The following RPTOR variants were observed in gnomAD, a reference collection of about 807,000 sequenced individuals.
The protein encoded by RPTOR is regulatory-associated protein of mTOR.
In RPTOR, 21 loss-of-function variants were observed where a neutral mutation model predicts 169.9. That is an observed-to-expected ratio of 0.12 (90% CI 0.09 to 0.18). The LOEUF (loss-of-function observed/expected upper bound fraction) is 0.18, where lower values mean the gene tolerates loss of function less well. Among genes scored for constraint, RPTOR ranks in the 10% least tolerant of loss-of-function variants. The probability of loss-of-function intolerance (pLI) is 1.00; values close to 1 mark genes in which losing one functional copy is unlikely to be tolerated. For missense variants in RPTOR, 1,133 were observed against 1,855.9 expected, an observed-to-expected ratio of 0.61 and a Z score of 7.16; for synonymous variants, 732 against 753.2, an observed-to-expected ratio of 0.97 and a Z score of 0.46.
At chr17:80,619,922 T>C (rs967088599) in intron 1 of RPTOR, among the ~76,000 whole-genome samples, 2 of 152,172 alleles carry the variant, frequency 1.3e-5, no homozygotes, top group African/African-American at 4.8e-5. Flanking sequence ...CCCCAGCCTC[T>C]CCCACCTGGA....
chr17:80,662,566 G>A (rs930743358), intron 3 of RPTOR, among the ~76,000 whole-genome samples: 3 of 152,088 alleles, frequency 2.0e-5, no homozygotes, highest in Admixed American at 6.6e-5. Context: ...GGGTCCAGGT[G>A]GGGTCAGTTG....
chr17:80,935,160 T>C (rs1051397785), intron 24 of RPTOR, among the ~76,000 whole-genome samples: 3 of 152,148 alleles, frequency 2.0e-5, no homozygotes, highest in Non-Finnish European at 2.9e-5. Flanking sequence ...TTTCAAAATA[T>C]GTGAAAGATA....
intron 13 of RPTOR, among the ~76,000 whole-genome samples, chr17:80,874,087 G>T (rs2068079921): frequency 6.6e-6 from 1 of 152,154 alleles, no homozygotes; most frequent in African/African-American, 2.4e-5. Flanking sequence ...TTTTAGGACA[G>T]GTTTGAAAAA....
intron 3 of RPTOR, among the ~76,000 whole-genome samples, chr17:80,686,561 T>G (rs1467180542): frequency 6.6e-6 from 1 of 152,130 alleles, no homozygotes; most frequent in Non-Finnish European, 1.5e-5. Context: ...AGTATTTGCC[T>G]TTCGGGACTC....
intron 1 of RPTOR, among the ~76,000 whole-genome samples, chr17:80,598,817 A>C (rs2065163369): frequency 6.6e-6 from 1 of 152,132 alleles, no homozygotes; most frequent in Non-Finnish European, 1.5e-5. Context: ...AACAGCTTAT[A>C]CATTAACTGT....
intron 3 of RPTOR, among the ~76,000 whole-genome samples, chr17:80,673,192 A>G (rs1463049192): frequency 2.6e-5 from 4 of 152,200 alleles, no homozygotes; most frequent in African/African-American, 9.6e-5. Context: ...TGCTGGGATT[A>G]TAGGTGTGAG....
At chr17:80,656,656 G>A (rs1238105212) in intron 3 of RPTOR, among the ~76,000 whole-genome samples, 5 of 152,236 alleles carry the variant, frequency 3.3e-5, no homozygotes, top group Non-Finnish European at 7.3e-5. Context: ...GGCAGACGGA[G>A]CCACTTGGGA....
intron 7 of RPTOR, among the ~76,000 whole-genome samples, chr17:80,796,332 G>A (rs1447265379): frequency 6.6e-6 from 1 of 152,242 alleles, no homozygotes; most frequent in Non-Finnish European, 1.5e-5. Context: ...GAGACACTCA[G>A]TATTAACCAT....
chr17:80,757,556 A>C (rs937345529), intron 6 of RPTOR, among the ~76,000 whole-genome samples: 5 of 152,198 alleles, frequency 3.3e-5, no homozygotes, highest in African/African-American at 1.2e-4. Flanking sequence ...AACAGAATAC[A>C]ACAGACTGGG....
At position 80,651,797 on chromosome 17, in the gene RPTOR, C is replaced by T. The variant is rs1224099297; in HGVS notation, c.348+7987C>T. On this transcript the variant is annotated intron_variant, in intron 3 of 33. Transcript: ENST00000306801. The surrounding 1 kb of genome is among the most constrained non-coding windows in gnomAD (Gnocchi z 4.1). ...CTTTGGGAGGCCGAGGCGGGTGGAT[C>T]GTGAGGTCAGGAGATCGAGACCATG... 6.6e-6 allele frequency among the ~76,000 whole-genome samples: 1 copy of T among 151,892 alleles called. No individual in the cohort carries two copies. The highest frequency in any genetic ancestry group is 1.5e-5 in the Non-Finnish European group (1 of 67,974).
chr17:80,632,880 C>G (rs2065452736), intron 2 of RPTOR, among the ~76,000 whole-genome samples: 1 of 152,158 alleles, frequency 6.6e-6, no homozygotes, highest in South Asian at 2.1e-4. Flanking sequence ...TCATAGCTCA[C>G]TGCAGCCTCA....
At chr17:80,587,268 G>A (rs1355096757) in intron 1 of RPTOR, among the ~76,000 whole-genome samples, 3 of 152,224 alleles carry the variant, frequency 2.0e-5, no homozygotes, top group South Asian at 4.1e-4. Context: ...GCTTTGCCTG[G>A]TGTGGAAACG....
intron 5 of RPTOR, among the ~76,000 whole-genome samples, chr17:80,750,897 T>C (rs537263830): frequency 7.9e-4 from 121 of 152,312 alleles, no homozygotes; most frequent in African/African-American, 2.4e-3. Flanking sequence ...GCAAATTTTA[T>C]GCTACAGGTA....
Position 80,730,744 on chromosome 17 carries a change from GGTTTT to G in RPTOR, c.654+44_654+48del. The G allele has an allele frequency of 9.4e-7, 1 of 1,061,702 alleles. No individual in the cohort carries two copies. Among genetic ancestry groups the G allele is most frequent in the Admixed American group, 1.9e-5 (1 of 51,746 alleles). The allele number at this position is 1,061,702 out of a possible 1,614,324, so 65.8% of individuals were successfully genotyped here. On this transcript the variant is annotated intron_variant, in intron 5 of 33. Coordinates refer to ENST00000306801, the MANE Select transcript of RPTOR (RefSeq NM_020761.3). This position sits in a 1 kb window ranked among gnomAD's most constrained non-coding sequence, Gnocchi z 4.2. ...GTGCTTGGAGAGCGGTGCTGGGTTT[GGTTTT>G]GTTTTCCCTGGGGGTGGGGTTTGGG...
chr17:80,568,056 G>A (rs569947400), intron 1 of RPTOR, among the ~76,000 whole-genome samples: 34 of 151,876 alleles, frequency 2.2e-4, no homozygotes, highest in Admixed American at 2.0e-3. Flanking sequence ...ACAGGCATGC[G>A]CTACTATGCC....
intron 3 of RPTOR, among the ~76,000 whole-genome samples, chr17:80,680,940 C>T (rs1325192391): frequency 6.6e-6 from 1 of 152,094 alleles, no homozygotes; most frequent in African/African-American, 2.4e-5. Flanking sequence ...GTTCAGCTGG[C>T]ATTTGGTTTT....
chr17:80,921,002 G>A (rs1302004041), intron 21 of RPTOR, among the ~76,000 whole-genome samples: 3 of 152,172 alleles, frequency 2.0e-5, no homozygotes, highest in Non-Finnish European at 2.9e-5. Context: ...AAATAGGAAC[G>A]TTGCTTAAAG....
At chr17:80,762,548 C>T (rs893229360) in intron 6 of RPTOR, among the ~76,000 whole-genome samples, 1 of 152,110 alleles carries the variant, frequency 6.6e-6, no homozygotes, top group Non-Finnish European at 1.5e-5. Flanking sequence ...TTTGTCCTAC[C>T]GCCCTTGTGA....
chr17:80,634,256 GTGCA>G (rs2065468429), intron 2 of RPTOR, among the ~76,000 whole-genome samples: 1 of 125,068 alleles, frequency 8.0e-6, no homozygotes. Flanking sequence ...TACTGTATGC[GTGCA>G]TACCGTGTGT....
Sources: allele counts gnomAD v4.1 joint callset (sites outside exome capture counted in the v4.1 genomes callset), GRCh38; gene constraint gnomAD v4.1.1; non-coding constraint Gnocchi (gnomAD v3.1); transcripts MANE v1.5; gene names NCBI Gene and HGNC (gene_info 2026-07-23, HGNC 2026-07-21).